Variants in CD46 observed in about 807,000 individuals in gnomAD.
CD46 encodes the protein membrane cofactor protein.
Under a neutral mutation model 53.3 loss-of-function variants are expected in CD46, and 30 were observed. The ratio of observed to expected loss-of-function variants is 0.56; its 90% confidence interval spans 0.42 to 0.76. The LOEUF (loss-of-function observed/expected upper bound fraction) is 0.76, where lower values mean the gene tolerates loss of function less well. Ranked by LOEUF, CD46 falls within the 30% of genes least tolerant of loss-of-function variation. The pLI, the probability that CD46 is intolerant of heterozygous loss-of-function variation, is 0.00. For synonymous variants in CD46, 142 were observed against 152.0 expected, an observed-to-expected ratio of 0.93 and a Z score of 0.48; for missense variants, 409 against 463.0, an observed-to-expected ratio of 0.88 and a Z score of 1.07.
Position 207,785,186 on chromosome 1 carries a change from T to C in CD46, c.1018+80T>C. The C allele has an allele frequency of 2.7e-5, 31 of 1,169,526 alleles. 2 individuals are homozygous for C. The South Asian group carries it at 4.0e-4, about 15-fold the overall frequency. The allele number at this position is 1,169,526 out of a possible 1,614,324, so 72.4% of individuals were successfully genotyped here. ...GCATTTTAAAAATAGTTTTTCAGTTTCTATAGTTTTTTCAGCTTGTAAATT... is the reference window on the plus strand; with the variant it reads ...GCATTTTAAAAATAGTTTTTCAGTTCCTATAGTTTTTTCAGCTTGTAAATT... On this transcript the variant is annotated intron_variant, in intron 10 of 12. Coordinates refer to ENST00000367042, the MANE Select transcript of CD46 (RefSeq NM_172351.3).
chr1:207,795,112 T>C lies in CD46; in HGVS notation c.*1635T>C, dbSNP rs1660138743. The C allele has an allele frequency of 6.6e-6, 1 of 152,216 alleles. No homozygotes were observed. The highest frequency in any genetic ancestry group is 6.5e-5 in the Admixed American group (1 of 15,284). 9.4% of individuals were successfully genotyped at this position (152,216 alleles called of 1,614,324 possible). ...ACCCGTTTCACATGCTTTTCAAGAA[T>C]GTCGCAATTACTAAGAAGCAGATAA... On this transcript the variant is annotated 3_prime_UTR_variant, in exon 13 of 13. Coordinates refer to ENST00000367042, the MANE Select transcript of CD46 (RefSeq NM_172351.3).
rs1660073187 is a variant in CD46, at chr1:207,794,453, C to T, written c.*976C>T. On this transcript the variant is annotated 3_prime_UTR_variant, in exon 13 of 13. Coordinates refer to ENST00000367042, the MANE Select transcript of CD46 (RefSeq NM_172351.3). Reference sequence around the variant, plus strand: ...ATTCTGGTTACATGTGTTTTTCTCTCCCTCCTTAAATAAAGAGAGGGGTTA... The same window carrying T: ...ATTCTGGTTACATGTGTTTTTCTCTTCCTCCTTAAATAAAGAGAGGGGTTA... 1 of 152,156 alleles carries T rather than the reference C, an allele frequency of 6.6e-6. No homozygotes were observed. The highest frequency in any genetic ancestry group is 1.5e-5 in the Non-Finnish European group (1 of 68,032). 9.4% of individuals were successfully genotyped at this position (152,156 alleles called of 1,614,324 possible). A position where few individuals can be genotyped will look rare whatever the true frequency, so the allele number is the denominator to read the frequency against.
chr1:207,755,382 C>T (rs1328304884), intron 1 of CD46, among the ~76,000 whole-genome samples: 2 of 152,134 alleles, frequency 1.3e-5, no homozygotes, highest in Non-Finnish European at 2.9e-5. Flanking sequence ...AGAGAGAATA[C>T]GTGAATTAAA....
rs1660021187 is a variant in CD46 at position 207,793,852 on chromosome 1, G to C, written c.*375G>C. 2.3e-6 allele frequency: 1 copy of C among 438,584 alleles called. No individual in the cohort carries two copies. The highest frequency in any genetic ancestry group is 2.0e-5 in the African/African-American group (1 of 50,602). 27.2% of individuals were successfully genotyped at this position (438,584 alleles called of 1,614,324 possible). A position where few individuals can be genotyped will look rare whatever the true frequency, so the allele number is the denominator to read the frequency against. On this transcript the variant is annotated 3_prime_UTR_variant, in exon 13 of 13. Coordinates refer to ENST00000367042, the MANE Select transcript of CD46 (RefSeq NM_172351.3). ...AGCATGCCTGGTTGTATTAAAGCAG[G>C]GATATGCTGTATTTTATAAAATTGG...
At position 207,752,182 on chromosome 1, in the gene CD46, C is replaced by T; in HGVS notation, c.-31C>T. 1 of 1,604,054 alleles carries T rather than the reference C, an allele frequency of 6.2e-7. No homozygotes were observed. ...GGCTCTCGGTTTCTCTGCTTTCCTC[C>T]GGAGAAATAACAGCGTCTTCCGCGC... is the stretch of plus-strand genomic sequence containing the variant. On this transcript the variant is annotated 5_prime_UTR_variant, in exon 1 of 13. Transcript: ENST00000367042. The surrounding 1 kb of genome is among the most constrained non-coding windows in gnomAD (Gnocchi z 4.1).
intron 8 of CD46, among the ~76,000 whole-genome samples, chr1:207,777,606 G>A (rs886252481): frequency 1.3e-5 from 2 of 151,970 alleles, no homozygotes; most frequent in Non-Finnish European, 2.9e-5. Flanking sequence ...CGTTCCTGCT[G>A]AAGACATGCG....
Position 207,761,280 on chromosome 1 carries a change from A to G in CD46, c.507A>G (p.Lys169=), listed in dbSNP as rs1246421834. ...KVLCTPPPKI[K]NGKHTFSEVE... Reference sequence around the variant, plus strand: ...TGTGTACACCACCTCCAAAAATAAAAAATGGAAAACACACCTTTAGTGAAG... The same window carrying G: ...TGTGTACACCACCTCCAAAAATAAAGAATGGAAAACACACCTTTAGTGAAG... Residue 169 remains lysine, a synonymous_variant, in exon 5 of 13, where the codon AAA becomes AAG. Coordinates refer to ENST00000367042, the MANE Select transcript of CD46 (RefSeq NM_172351.3). The G allele has an allele frequency of 6.2e-7, 1 of 1,612,702 alleles. No individual in the cohort carries two copies. Among genetic ancestry groups the G allele is most frequent in the Non-Finnish European group, 8.5e-7 (1 of 1,178,902 alleles).
chr1:207,780,634 A>C (rs569664223), intron 8 of CD46, among the ~76,000 whole-genome samples: 1 of 152,256 alleles, frequency 6.6e-6, no homozygotes, highest in South Asian at 2.1e-4. Flanking sequence ...GGCATACTGT[A>C]TTCCACAGTG....
chr1:207,774,335 C>T (rs556890952), intron 8 of CD46, among the ~76,000 whole-genome samples: 1 of 152,266 alleles, frequency 6.6e-6, no homozygotes, highest in South Asian at 2.1e-4. Context: ...ACTCTTTATC[C>T]AATTTGCCAG....
intron 2 of CD46, 97 bp from the exon 3 acceptor site, chr1:207,757,443 T>C (rs1655685605): frequency 2.4e-6 from 2 of 835,376 alleles, no homozygotes; most frequent in Admixed American, 4.1e-5. Flanking sequence ...ATGAAAATTA[T>C]ATTCCCACCC....
intron 6 of CD46, 164 bp downstream of exon 6, chr1:207,767,359 A>C (rs966701434): frequency 1.3e-6 from 1 of 750,318 alleles, no homozygotes; most frequent in Non-Finnish European, 2.2e-6. Context: ...GATGAATGAC[A>C]CGAAATTCAC....
chr1:207,784,688 T>A (rs1057459528), intron 9 of CD46, among the ~76,000 whole-genome samples: 2 of 152,208 alleles, frequency 1.3e-5, no homozygotes, highest in Non-Finnish European at 2.9e-5. Flanking sequence ...GGAAAGAGAT[T>A]TAACTGACTC....
intron 8 of CD46, among the ~76,000 whole-genome samples, chr1:207,779,913 C>CT (rs66758503): frequency 0.14 from 8,756 of 62,394 alleles, 1,550 homozygotes; most frequent in Non-Finnish European, 0.18. Context: ...AAAAGCAAGT[C>CT]TTTTTTTTTT....
chr1:207,777,120 T>G (rs1268512287), intron 8 of CD46, among the ~76,000 whole-genome samples: 1 of 152,162 alleles, frequency 6.6e-6, no homozygotes, highest in Non-Finnish European at 1.5e-5. Context: ...TCTTTTGTTT[T>G]GTCAGTTTTA....
At chr1:207,756,449 G>T (rs1198162987) in intron 1 of CD46, among the ~76,000 whole-genome samples, 1 of 152,102 alleles carries the variant, frequency 6.6e-6, no homozygotes, top group South Asian at 2.1e-4. Flanking sequence ...TCCCAGGCAC[G>T]GTAGCAGACA....
intron 8 of CD46, among the ~76,000 whole-genome samples, chr1:207,780,959 G>A (rs561019459): frequency 6.6e-6 from 1 of 151,206 alleles, no homozygotes; most frequent in Admixed American, 6.6e-5. Context: ...AGAGTAAGAG[G>A]GACAAAACCA....
At chr1:207,783,528 T>G (rs1031376162) in intron 9 of CD46, 198 bp downstream of exon 9, 3 of 460,242 alleles carry the variant, frequency 6.5e-6, no homozygotes, top group African/African-American at 5.9e-5. Flanking sequence ...GATGGTAATC[T>G]GTCGATAAAT....
At position 207,761,417 on chromosome 1, in the gene CD46, T is replaced by C; in HGVS notation, c.644T>C (p.Val215Ala). Reference protein sequence around the residue: ...ESTIYCGDNSVWSRAAPECKV... With the variant: ...ESTIYCGDNSAWSRAAPECKV... ...ACGATTTATTGTGGTGACAATTCAG[T>C]GTGGAGTCGTGCTGCTCCAGAGTGT... The change falls in exon 5 of 13, where the codon GTG (valine) becomes GCG (alanine). Residue 215 changes from valine to alanine, a missense_variant. Val to Ala is a moderately conservative substitution (Grantham distance 64, BLOSUM62 0). Coordinates refer to ENST00000367042, the MANE Select transcript of CD46 (RefSeq NM_172351.3). 1 of 1,614,096 alleles carries C rather than the reference T, an allele frequency of 6.2e-7. No individual in the cohort carries two copies. The highest frequency in any genetic ancestry group is 1.7e-5 in the Admixed American group (1 of 60,030).
chr1:207,788,523 C>A (rs540843425), intron 11 of CD46, among the ~76,000 whole-genome samples: 76 of 152,062 alleles, frequency 5.0e-4, no homozygotes, highest in African/African-American at 1.8e-3. Context: ...ATCTCAAAAA[C>A]AAAAAACACA....
Sources: allele counts gnomAD v4.1 joint callset (sites outside exome capture counted in the v4.1 genomes callset), GRCh38; gene constraint gnomAD v4.1.1; non-coding constraint Gnocchi (gnomAD v3.1); transcripts MANE v1.5; gene names NCBI Gene and HGNC (gene_info 2026-07-23, HGNC 2026-07-21).